Variants in ZNF691 observed in about 807,000 individuals in gnomAD.
The protein encoded by ZNF691 is zinc finger protein 691.
In ZNF691, 11 loss-of-function variants were observed where a neutral mutation model predicts 24.1. That is an observed-to-expected ratio of 0.46 (90% CI 0.29 to 0.75). The LOEUF (loss-of-function observed/expected upper bound fraction) is 0.75, where lower values mean the gene tolerates loss of function less well. Ranked by LOEUF, ZNF691 falls within the 30% of genes least tolerant of loss-of-function variation. The pLI is 0.11. For missense variants in ZNF691, 356 were observed against 409.0 expected (o/e 0.87, Z 1.12); for synonymous variants, 149 against 153.9 (o/e 0.97, Z 0.23).
At position 42,851,743 on chromosome 1, in the gene ZNF691, C is replaced by T. The variant is rs757882724; in HGVS notation, c.878C>T (p.Ser293Phe). The T allele has an allele frequency of 1.2e-6, 2 of 1,614,248 alleles. No homozygotes were observed. The highest frequency in any genetic ancestry group is 1.7e-5 in the Admixed American group (1 of 60,030). The change falls in exon 4 of 4, where the codon TCC becomes TTC. Residue 293 changes from serine to phenylalanine, a missense_variant. By Grantham distance (155) the Ser-to-Phe change is radical (BLOSUM62 -2). Transcript: ENST00000651192. This position sits in a 1 kb window ranked among gnomAD's most constrained non-coding sequence, Gnocchi z 4.7. ...YRCTVCGKHF[S>F]RSSNLIRHQK... ...TGCACTGTGTGTGGGAAACACTTCT[C>T]CCGGAGCTCGAATCTCATCCGCCAC... is the stretch of plus-strand genomic sequence containing the variant.
Position 42,849,727 on chromosome 1 carries a change from A to G in ZNF691, c.69A>G (p.Leu23=), listed in dbSNP as rs1655329303. The G allele has an allele frequency of 2.6e-6, 4 of 1,550,984 alleles. No individual in the cohort carries two copies. Among genetic ancestry groups the G allele is most frequent in the African/African-American group, 2.7e-5 (2 of 73,026 alleles). The stretch of plus-strand genomic sequence containing the variant: ...TTCTTCAAGGCCCGGAGGAAATGCT[A>G]CCACTCTCATCAGAGGTACTTTTCC... ...SLFLQGPEEM[L]PLSSEGSEMG... Residue 23 remains leucine (L), a synonymous_variant, in exon 3 of 4, where the codon CTA becomes CTG. Coordinates refer to ENST00000651192, the MANE Select transcript of ZNF691 (RefSeq NM_001242739.2).
Position 42,851,761 on chromosome 1 carries a change from T to C in ZNF691, c.896T>C (p.Ile299Thr). 6.2e-7 allele frequency: 1 copy of C among 1,614,174 alleles called. No individual in the cohort carries two copies. The highest frequency in any genetic ancestry group is 8.5e-7 in the Non-Finnish European group (1 of 1,180,004). Residue 299 changes from isoleucine to threonine, a missense_variant, in exon 4 of 4, where the codon ATC (isoleucine) becomes ACC (threonine). Ile to Thr is a moderately conservative substitution (Grantham distance 89, BLOSUM62 -1). Transcript: ENST00000651192. This position sits in a 1 kb window ranked among gnomAD's most constrained non-coding sequence, Gnocchi z 4.7. ...CACTTCTCCCGGAGCTCGAATCTCA[T>C]CCGCCACCAGAAAACTCACTTGGGC... is the stretch of plus-strand genomic sequence containing the variant. ...GKHFSRSSNL[I>T]RHQKTHLGEQ... is the part of the protein sequence containing the mutation.
chr1:42,849,567 A>G lies in ZNF691; in HGVS notation c.-92A>G. The G allele has an allele frequency of 9.8e-7, 1 of 1,022,238 alleles. No individual in the cohort carries two copies. Among genetic ancestry groups the G allele is most frequent in the Non-Finnish European group, 1.5e-6 (1 of 666,782 alleles). The allele number at this position is 1,022,238 out of a possible 1,614,324, so 63.3% of individuals were successfully genotyped here. A position where few individuals can be genotyped will look rare whatever the true frequency, so the allele number is the denominator to read the frequency against. ...TATTCTGTGTTTCTTTTTTCCAGAA[A>G]TACTTGCAGACTTGAAGGAATTATC... On this transcript the variant is annotated splice_region_variant and 5_prime_UTR_variant, in exon 3 of 4. Transcript: ENST00000651192.
At position 42,849,345 on chromosome 1, in the gene ZNF691, A is replaced by C. The variant is rs1005538493; in HGVS notation, c.-163A>C. 1.9e-6 allele frequency: 1 copy of C among 524,848 alleles called. No homozygotes were observed. Among genetic ancestry groups the C allele is most frequent in the Non-Finnish European group, 3.7e-6 (1 of 272,056 alleles). The allele number at this position is 524,848 out of a possible 1,614,324, so 32.5% of individuals were successfully genotyped here. ...AACAGCAGCTGCCATTTGCTGAATG[A>C]CAGCATGTGTCACACACTCTGCTGA... On this transcript the variant is annotated 5_prime_UTR_variant, in exon 2 of 4. Coordinates refer to ENST00000651192, the MANE Select transcript of ZNF691 (RefSeq NM_001242739.2).
In ZNF691 at chr1:42,847,256, A is replaced by G. The variant is rs373411961; in HGVS notation, c.-218+599A>G. Among the ~76,000 whole-genome samples the G allele has an allele frequency of 2.6e-5, 4 of 152,164 alleles. 1 individual carries two copies. Among genetic ancestry groups the G allele is most frequent in the Admixed American group, 6.5e-5 (1 of 15,290 alleles). Reference sequence around the variant, plus strand: ...CCCTGCAGCCCTTGACTTGGCCCCAAAGACCTGTAACTTCGGACCTCCATA... The same window carrying G: ...CCCTGCAGCCCTTGACTTGGCCCCAGAGACCTGTAACTTCGGACCTCCATA... On this transcript the variant is annotated intron_variant, in intron 1 of 3. Transcript: ENST00000651192.
At position 42,852,122 on chromosome 1, in the gene ZNF691, G is replaced by A. The variant is rs9960; in HGVS notation, c.*309G>A. ...ACATGCTCATGTTATTAAGGCAGCA[G>A]TCCCCCTGGCCTTTGAGGAAGTACT... is the stretch of plus-strand genomic sequence containing the variant. On this transcript the variant is annotated 3_prime_UTR_variant, in exon 4 of 4. Coordinates refer to ENST00000651192, the MANE Select transcript of ZNF691 (RefSeq NM_001242739.2). 0.16 allele frequency: 77,870 copies of A among 473,662 alleles called. 6,869 individuals carry two copies. The highest frequency in any genetic ancestry group is 0.21 in the Admixed American group (6,364 of 30,228). 29.3% of individuals were successfully genotyped at this position (473,662 alleles called of 1,614,324 possible). A position where few individuals can be genotyped will look rare whatever the true frequency, so the allele number is the denominator to read the frequency against.
chr1:42,848,708 A>G (rs1415980537), intron 1 of ZNF691, among the ~76,000 whole-genome samples: 1 of 152,152 alleles, frequency 6.6e-6, no homozygotes, highest in Non-Finnish European at 1.5e-5. Flanking sequence ...ACCAGCTCTC[A>G]TGGAACTTAT....
intron 3 of ZNF691, chr1:42,850,479 T>G (rs1655352775): frequency 1.0e-6 from 1 of 985,334 alleles, no homozygotes; most frequent in South Asian, 4.7e-5. Context: ...TTAGAGGTTT[T>G]GTTTTGTTCA....
chr1:42,847,576 C>T (rs1389422061), intron 1 of ZNF691, among the ~76,000 whole-genome samples: 1 of 152,190 alleles, frequency 6.6e-6, no homozygotes, highest in African/African-American at 2.4e-5. Context: ...CAGTCTTACC[C>T]ATCCTGCAAA....
At chr1:42,849,533 C>G (rs966420974) in intron 2 of ZNF691, 32 bp from the exon 3 acceptor site, 10 of 768,528 alleles carry the variant, frequency 1.3e-5, no homozygotes, top group Non-Finnish European at 2.3e-5. Context: ...TAGTCAGTAC[C>G]CCTTTCTTTA....
Position 42,846,654 on chromosome 1 carries a change from C to G in ZNF691, c.-221C>G, listed in dbSNP as rs948518031. 3.3e-5 allele frequency: 5 copies of G among 152,560 alleles called. No individual in the cohort carries two copies. Among genetic ancestry groups the G allele is most frequent in the South Asian group, 4.1e-4 (2 of 4,824 alleles). 9.5% of individuals were successfully genotyped at this position (152,560 alleles called of 1,614,324 possible). ...GCTGTCCCTGATCGAGCGGCGGGAG[C>G]GAGGTGGGTCCGGGTTGGGCCCGAG... On this transcript the variant is annotated 5_prime_UTR_variant, in exon 1 of 4. Coordinates refer to ENST00000651192, the MANE Select transcript of ZNF691 (RefSeq NM_001242739.2).
Position 42,851,162 on chromosome 1 carries a change from A to T in ZNF691, c.297A>T (p.Leu99=). ...AAGTCACTGTCCGGGCTCGAGAGCT[A>T]GGGGACCCCATTGCTCATCCAAGGC... ...WQKVTVRARE[L]GDPIAHPRHE... is the part of the protein sequence containing the mutation. Residue 99 remains leucine (L), a synonymous_variant, in exon 4 of 4, where the codon CTA becomes CTT. Transcript: ENST00000651192. This position sits in a 1 kb window ranked among gnomAD's most constrained non-coding sequence, Gnocchi z 4.7. 1.9e-6 allele frequency: 3 copies of T among 1,614,238 alleles called. No homozygotes were observed. The highest frequency in any genetic ancestry group is 2.5e-6 in the Non-Finnish European group (3 of 1,180,030).
At chr1:42,848,620 A>G (rs568425698) in intron 1 of ZNF691, among the ~76,000 whole-genome samples, 2 of 152,136 alleles carry the variant, frequency 1.3e-5, no homozygotes, top group Non-Finnish European at 2.9e-5. Flanking sequence ...TGAAGGATCT[A>G]CTGTATATGG....
chr1:42,850,708 G>C, intron 3 of ZNF691: 1 of 1,550,618 alleles, frequency 6.4e-7, no homozygotes, highest in Non-Finnish European at 8.7e-7. Context: ...ATCATCTGGT[G>C]GTGGTGGACA....
Position 42,851,861 on chromosome 1 carries a change from C to T in ZNF691, c.*48C>T. 1 of 1,610,798 alleles carries T rather than the reference C, an allele frequency of 6.2e-7. No individual in the cohort carries two copies. Among genetic ancestry groups the T allele is most frequent in the Non-Finnish European group, 8.5e-7 (1 of 1,178,362 alleles). ...GGGAGAGAGAGTGAGAGACCCTAAC[C>T]TATTGGAGGAAGATCTTCAGCATCT... On this transcript the variant is annotated 3_prime_UTR_variant, in exon 4 of 4. Coordinates refer to ENST00000651192, the MANE Select transcript of ZNF691 (RefSeq NM_001242739.2). This position sits in a 1 kb window ranked among gnomAD's most constrained non-coding sequence, Gnocchi z 4.7.
intron 1 of ZNF691, among the ~76,000 whole-genome samples, chr1:42,847,921 C>T (rs1426398320): frequency 1.3e-5 from 2 of 152,144 alleles, no homozygotes; most frequent in Admixed American, 1.3e-4. Flanking sequence ...GCACTTGATT[C>T]GAGCTTTAAA....
At chr1:42,848,148 C>T (rs987165436) in intron 1 of ZNF691, among the ~76,000 whole-genome samples, 4 of 152,070 alleles carry the variant, frequency 2.6e-5, no homozygotes, top group African/African-American at 9.7e-5. Context: ...GCATCCAGCC[C>T]CGGGTAGAGC....
chr1:42,850,693 C>T (rs1458644407), intron 3 of ZNF691: 1 of 1,550,582 alleles, frequency 6.4e-7, no homozygotes, highest in South Asian at 1.2e-5. Flanking sequence ...TCAAATGGCA[C>T]AAATATCATC....
rs770548820 is a variant in ZNF691, at chr1:42,851,323, C to T, written c.458C>T (p.Ser153Leu). 15 of 1,613,842 alleles carry T rather than the reference C, an allele frequency of 9.3e-6. No individual in the cohort carries two copies. Among genetic ancestry groups the T allele is most frequent in the Admixed American group, 3.3e-5 (2 of 59,986 alleles). ...TGTTCTGAATGTGGCAAGAGCTTCT[C>T]GAGAAGCTCCAACCGCATCCGGCAC... The part of the protein sequence containing the change: ...YKCSECGKSF[S>L]RSSNRIRHER... Residue 153 changes from serine to leucine, a missense_variant, in exon 4 of 4, where the codon TCG (serine) becomes TTG (leucine). Transcript: ENST00000651192. This position sits in a 1 kb window ranked among gnomAD's most constrained non-coding sequence, Gnocchi z 4.7.
Sources: allele counts gnomAD v4.1 joint callset (sites outside exome capture counted in the v4.1 genomes callset), GRCh38; gene constraint gnomAD v4.1.1; non-coding constraint Gnocchi (gnomAD v3.1); transcripts MANE v1.5; gene names NCBI Gene and HGNC (gene_info 2026-07-23, HGNC 2026-07-21).